The following IL1RAPL1 variants were observed in gnomAD, a reference collection of about 807,000 sequenced individuals.
IL1RAPL1 encodes the protein interleukin 1 receptor accessory protein like 1.
A neutral mutation model predicts 48.4 loss-of-function variants in IL1RAPL1; 3 were observed. The ratio of observed to expected loss-of-function variants is 0.06; its 90% CI spans 0.03 to 0.16. The LOEUF (loss-of-function observed/expected upper bound fraction) is 0.16. Among genes scored for constraint, IL1RAPL1 ranks in the 10% least tolerant of loss-of-function variants. IL1RAPL1 has a pLI of 1.00. For missense variants in IL1RAPL1, 349 were observed against 530.6 expected, an observed-to-expected ratio of 0.66 and a Z score of 3.36; for synonymous variants, 185 against 187.7, an observed-to-expected ratio of 0.99 and a Z score of 0.12.
At chrX:28,939,421 T>C (rs1924108019) in intron 2 of IL1RAPL1, among the ~76,000 whole-genome samples, 1 of 110,887 alleles carries the variant, frequency 9.0e-6, no homozygotes, top group African/African-American at 3.3e-5. Context: ...CTTAGCAAGC[T>C]AACACAGGAA....
In IL1RAPL1 at chrX:29,756,291, T is replaced by C. The variant is rs1246014448; in HGVS notation, c.778+87787T>C. Among the ~76,000 whole-genome samples, 10 of 112,257 alleles carry C rather than the reference T, an allele frequency of 8.9e-5. No homozygotes were observed. The South Asian group carries it at 3.7e-3, about 41-fold the overall frequency. On this transcript the variant is annotated intron_variant, in intron 6 of 10. Transcript: ENST00000378993. Reference sequence around the variant, plus strand: ...GTTTGTATATGGGAAAATTGGGAAGTATACACAGATTTTTAATAATGATTA... The same window carrying C: ...GTTTGTATATGGGAAAATTGGGAAGCATACACAGATTTTTAATAATGATTA...
At chrX:29,796,152 T>C (rs907473704) in intron 6 of IL1RAPL1, among the ~76,000 whole-genome samples, 2 of 112,243 alleles carry the variant, frequency 1.8e-5, no homozygotes, top group African/African-American at 6.5e-5. Flanking sequence ...TAATCAGCTA[T>C]GTATGAAGGC....
chrX:29,007,302 T>G (rs763492728), intron 2 of IL1RAPL1, among the ~76,000 whole-genome samples: 1 of 111,895 alleles, frequency 8.9e-6, no homozygotes, highest in African/African-American at 3.2e-5. Flanking sequence ...TATGAAAACT[T>G]ATAGGAGGTA....
intron 1 of IL1RAPL1, among the ~76,000 whole-genome samples, chrX:28,628,025 G>A (rs750704790): frequency 9.9e-5 from 11 of 111,477 alleles, no homozygotes; most frequent in Non-Finnish European, 1.3e-4. Flanking sequence ...GATTTGGGCT[G>A]GGCTAAACTG....
rs151113107 is a variant in IL1RAPL1, at chrX:29,407,279, G to A, written c.703+7971G>A. ...AGGTACCTCAGTATGTGAGTTTTGGGGTATTTATTTTCTTGCGTGTTTAAA... is the reference window on the plus strand; with the variant it reads ...AGGTACCTCAGTATGTGAGTTTTGGAGTATTTATTTTCTTGCGTGTTTAAA... On this transcript the variant is annotated intron_variant, in intron 5 of 10. Transcript: ENST00000378993. Among the ~76,000 whole-genome samples the A allele has an allele frequency of 4.1e-3, 451 of 110,862 alleles. 2 individuals carry two copies. The highest frequency in any genetic ancestry group is 6.9e-3 in the Non-Finnish European group (366 of 52,919).
At position 28,642,274 on chromosome X, in the gene IL1RAPL1, A is replaced by T. The variant is rs1437555998; in HGVS notation, c.-25+54227A>T. Among the ~76,000 whole-genome samples the T allele has an allele frequency of 2.7e-4, 30 of 111,453 alleles. No homozygotes were observed. The Admixed American group carries it at 2.9e-3, about 11-fold the overall frequency. ...TCATCGAGATGGAAAATTAACAAGG[A>T]TATTCAGGACTTGAATTCAGCTCTG... On this transcript the variant is annotated intron_variant, in intron 1 of 10. Transcript: ENST00000378993.
At chrX:29,178,934 T>C (rs1449757147) in intron 2 of IL1RAPL1, among the ~76,000 whole-genome samples, 2 of 111,673 alleles carry the variant, frequency 1.8e-5, no homozygotes, top group African/African-American at 6.5e-5. Context: ...CTGAGGGCTC[T>C]GTTCTGTTCC....
chrX:29,392,779 A>C (rs1933869455), intron 3 of IL1RAPL1, among the ~76,000 whole-genome samples: 1 of 112,254 alleles, frequency 8.9e-6, no homozygotes, highest in Non-Finnish European at 1.9e-5. Context: ...ATTCAACTTT[A>C]GTCATTCTTA....
At chrX:28,902,619 G>A (rs1224487724) in intron 2 of IL1RAPL1, among the ~76,000 whole-genome samples, 18 of 111,816 alleles carry the variant, frequency 1.6e-4, no homozygotes, top group African/African-American at 4.2e-4. Flanking sequence ...CCTGGTAATA[G>A]TGCATGTTTT....
At chrX:28,966,863 G>T (rs887193319) in intron 2 of IL1RAPL1, among the ~76,000 whole-genome samples, 2 of 111,311 alleles carry the variant, frequency 1.8e-5, no homozygotes, top group Non-Finnish European at 3.8e-5. Context: ...AATCATTTAG[G>T]CACCACAAAG....
At chrX:29,901,524 A>ATTCTT (rs952753371) in intron 6 of IL1RAPL1, among the ~76,000 whole-genome samples, 2 of 111,735 alleles carry the variant, frequency 1.8e-5, no homozygotes, top group African/African-American at 6.5e-5. Flanking sequence ...CACCACTAAT[A>ATTCTT]TTCTTTACTT....
At chrX:29,704,562 A>C (rs2147117318) in intron 6 of IL1RAPL1, among the ~76,000 whole-genome samples, 1 of 111,039 alleles carries the variant, frequency 9.0e-6, no homozygotes, top group East Asian at 2.9e-4. Context: ...CCAGATACTC[A>C]GGAGACTGAG....
chrX:29,458,726 T>G (rs776868893), intron 5 of IL1RAPL1, among the ~76,000 whole-genome samples: 1 of 27,651 alleles, frequency 3.6e-5, no homozygotes, highest in Non-Finnish European at 6.9e-5. Flanking sequence ...AACGTTTTTG[T>G]TTTTTTTTTT....
chrX:28,974,115 G>A (rs1251802762), intron 2 of IL1RAPL1, among the ~76,000 whole-genome samples: 1 of 111,798 alleles, frequency 8.9e-6, no homozygotes, highest in Non-Finnish European at 1.9e-5. Flanking sequence ...AGAATAAATT[G>A]ATGTAGTGGT....
intron 8 of IL1RAPL1, among the ~76,000 whole-genome samples, chrX:29,923,668 A>G (rs73631672): frequency 8.9e-6 from 1 of 111,789 alleles, no homozygotes; most frequent in Non-Finnish European, 1.9e-5. Context: ...GAGTCTTTGA[A>G]TCTTTTACCC....
chrX:28,727,178 C>T (rs1004558014), intron 1 of IL1RAPL1, among the ~76,000 whole-genome samples: 28 of 110,679 alleles, frequency 2.5e-4, no homozygotes, highest in African/African-American at 8.9e-4. Flanking sequence ...ATGGAATGTT[C>T]TTCCATTTGT....
At chrX:29,232,572 C>T (rs1005290445) in intron 2 of IL1RAPL1, among the ~76,000 whole-genome samples, 27 of 111,728 alleles carry the variant, frequency 2.4e-4, no homozygotes, top group Non-Finnish European at 3.2e-4. Context: ...CTTACATTTA[C>T]AATCATCTGA....
chrX:28,960,643 A>G (rs1924743804), intron 2 of IL1RAPL1, among the ~76,000 whole-genome samples: 1 of 111,842 alleles, frequency 8.9e-6, no homozygotes, highest in Non-Finnish European at 1.9e-5. Context: ...ACACATTGCT[A>G]GAGTTCTCCA....
chrX:28,820,932 C>G (rs986358066), intron 2 of IL1RAPL1, among the ~76,000 whole-genome samples: 1 of 111,251 alleles, frequency 9.0e-6, no homozygotes, highest in Admixed American at 9.6e-5. Flanking sequence ...AAAGGAGTTA[C>G]AGAAAATGTA....
Sources: gnomAD v4.1 joint callset for allele counts (sites outside exome capture counted in the v4.1 genomes callset) on GRCh38, gnomAD v4.1.1 for gene constraint, MANE v1.5 for transcripts, NCBI Gene and HGNC (gene_info 2026-07-23, HGNC 2026-07-21) for gene names.